SPNS1: variants seen among roughly 807,000 people sequenced by gnomAD.
SPNS1 encodes the protein SPNS lysolipid transporter 1, lysophospholipid, also known as protein spinster homolog 1.
SPNS1 carries 22 observed loss-of-function variants against 50.3 expected under a neutral mutation model. The ratio of observed to expected loss-of-function variants is 0.44; its 90% CI spans 0.31 to 0.62. The LOEUF (loss-of-function observed/expected upper bound fraction) is 0.62. SPNS1 is among the 20% of genes least tolerant of loss of function. The probability of loss-of-function intolerance (pLI) is 0.07; values close to 1 mark genes in which losing one functional copy is unlikely to be tolerated. For missense variants in SPNS1, 576 were observed against 728.6 expected (o/e 0.79, Z 2.41); for synonymous variants, 295 against 317.4 (o/e 0.93, Z 0.75).
chr16:28,978,227 G>A (rs1965410034), intron 3 of SPNS1, among the ~76,000 whole-genome samples, 183 bp downstream of exon 3: 1 of 151,598 alleles, frequency 6.6e-6, no homozygotes, highest in Non-Finnish European at 1.5e-5. Context: ...TTTTCTTCCA[G>A]AGCATTCTCT....
chr16:28,975,986 G>A (rs1965326996), intron 2 of SPNS1, among the ~76,000 whole-genome samples: 1 of 152,198 alleles, frequency 6.6e-6, no homozygotes, highest in Admixed American at 6.5e-5. Flanking sequence ...AATAATGGCA[G>A]GAGGGTTGGG....
At chr16:28,984,650 A>C, downstream of SPNS1, 1 of 621,784 alleles carries the variant, frequency 1.6e-6, no homozygotes, top group South Asian at 1.9e-5. Flanking sequence ...GCTCTGGGTG[A>C]GTCTCTGCCC....
At position 28,975,161 on chromosome 16, in the gene SPNS1, T is replaced by C; in HGVS notation, c.10T>C (p.Ser4Pro). Residue 4 changes from serine (S) to proline (P), a missense_variant, in exon 1 of 12, where the codon TCC (serine) becomes CCC (proline). Around this residue, in one of 3 missense-constraint regions of SPNS1, gnomAD observed 144 missense variants for 181.2 expected, o/e 0.79. Coordinates refer to ENST00000311008, the MANE Select transcript of SPNS1 (RefSeq NM_032038.3). ...GCGGCCCCCCGGGACCATGGCCGGG[T>C]CCGACACCGCGCCCTTCCTCAGCCA... The part of the protein sequence containing the change: MAG[S>P]DTAPFLSQAD... 1 of 1,487,458 alleles carries C rather than the reference T, an allele frequency of 6.7e-7. No individual in the cohort carries two copies. The highest frequency in any genetic ancestry group is 8.9e-7 in the Non-Finnish European group (1 of 1,120,636). 92.1% of individuals were successfully genotyped at this position (1,487,458 alleles called of 1,614,324 possible).
chr16:28,981,705 C>A lies in SPNS1; in HGVS notation c.809+90C>A. 2.6e-6 allele frequency: 4 copies of A among 1,550,462 alleles called. No individual in the cohort carries two copies. The highest frequency in any genetic ancestry group is 1.8e-6 in the Non-Finnish European group (2 of 1,141,846). On this transcript the variant is annotated intron_variant, in intron 6 of 11. Coordinates refer to ENST00000311008, the MANE Select transcript of SPNS1 (RefSeq NM_032038.3). This position sits in a 1 kb window ranked among gnomAD's most constrained non-coding sequence, Gnocchi z 4.2. The stretch of plus-strand genomic sequence containing the variant: ...GGGGATGTTCCTGTTCCTGGCCACA[C>A]CCCAAGGCCAGTAATTCGGTCGATA...
rs1435368258 is a variant in SPNS1, at chr16:28,975,308, C to T, written c.157C>T (p.Leu53=). ...DQEGLQRITG[L]SPGRSALIVA... is the part of the protein sequence containing the mutation. ...GGAGGGGCTGCAGCGCATCACCGGC[C>T]TGTCTCCCGGCCGTTCGGCTCTCAT... Residue 53 remains leucine, a synonymous_variant, in exon 1 of 12, where the codon CTG becomes TTG. Coordinates refer to ENST00000311008, the MANE Select transcript of SPNS1 (RefSeq NM_032038.3). 2.5e-6 allele frequency: 4 copies of T among 1,584,988 alleles called. No individual in the cohort carries two copies. The highest frequency in any genetic ancestry group is 4.5e-5 in the East Asian group (2 of 44,298).
intron 7 of SPNS1, 144 bp downstream of exon 7, chr16:28,982,200 A>C: frequency 7.3e-7 from 1 of 1,366,670 alleles, no homozygotes; most frequent in South Asian, 1.3e-5. Flanking sequence ...CTGGTCTGGG[A>C]AATAAGTGAT....
At position 28,979,297 on chromosome 16, in the gene SPNS1, C is replaced by T. The variant is rs755149022; in HGVS notation, c.587C>T (p.Pro196Leu). Reference sequence around the variant, plus strand: ...CTCAGCATCTTCTACTTTGCCATTCCGGTGGGCAGGTGAGTGGGCCTGGGG... The same window carrying T: ...CTCAGCATCTTCTACTTTGCCATTCTGGTGGGCAGGTGAGTGGGCCTGGGG... ...RMLSIFYFAI[P>L]VGSGLGYIAG... The change falls in exon 4 of 12, where the codon CCG (proline) becomes CTG (leucine). Residue 196 changes from proline (P) to leucine (L), a missense_variant. Pro to Leu is a moderately conservative substitution (Grantham distance 98). Coordinates refer to ENST00000311008, the MANE Select transcript of SPNS1 (RefSeq NM_032038.3). 1.9e-6 allele frequency: 3 copies of T among 1,614,170 alleles called. No individual in the cohort carries two copies. Among genetic ancestry groups the T allele is most frequent in the South Asian group, 1.1e-5 (1 of 91,078 alleles).
Position 28,983,035 on chromosome 16 carries a change from A to G in SPNS1, c.1221+113A>G. The G allele has an allele frequency of 7.6e-7, 1 of 1,323,748 alleles. No homozygotes were observed. The highest frequency in any genetic ancestry group is 1.2e-5 in the South Asian group (1 of 83,730). The allele number at this position is 1,323,748 out of a possible 1,614,324, so 82.0% of individuals were successfully genotyped here. A position where few individuals can be genotyped will look rare whatever the true frequency, so the allele number is the denominator to read the frequency against. On this transcript the variant is annotated intron_variant, in intron 9 of 11. Coordinates refer to ENST00000311008, the MANE Select transcript of SPNS1 (RefSeq NM_032038.3). This position sits in a 1 kb window ranked among gnomAD's most constrained non-coding sequence, Gnocchi z 5.4. ...CAGCCTCAACCTACCTTCTGCAATA[A>G]ATAACATCTGTAGCAGACCCCCGGC... is the stretch of plus-strand genomic sequence containing the variant.
chr16:28,975,496 C>T lies in SPNS1; in HGVS notation c.246C>T (p.Val82=), dbSNP rs1965311594. 1 of 1,614,140 alleles carries T rather than the reference C, an allele frequency of 6.2e-7. No individual in the cohort carries two copies. The highest frequency in any genetic ancestry group is 8.5e-7 in the Non-Finnish European group (1 of 1,180,062). The change falls in exon 2 of 12, where the codon GTC becomes GTT. Residue 82 remains valine, a synonymous_variant. Coordinates refer to ENST00000311008, the MANE Select transcript of SPNS1 (RefSeq NM_032038.3). The part of the protein sequence containing the change: ...NYMDRFTVAG[V]LPDIEQFFNI... The stretch of plus-strand genomic sequence containing the variant: ...CATCCTGAATTTTCTCCTCAGGCGT[C>T]CTTCCCGACATCGAGCAGTTCTTCA...
intron 3 of SPNS1, chr16:28,978,753 G>T: frequency 5.3e-6 from 1 of 187,408 alleles, no homozygotes; most frequent in Non-Finnish European, 1.1e-5. Flanking sequence ...TTCCTTGGGT[G>T]ACTGTACCCG....
At position 28,983,783 on chromosome 16, in the gene SPNS1, C is replaced by A. The variant is rs762037718; in HGVS notation, c.1321-3C>A. On this transcript the variant is annotated splice_region_variant and splice_polypyrimidine_tract_variant and intron_variant, in intron 10 of 11. Transcript: ENST00000311008. The surrounding 1 kb of genome is among the most constrained non-coding windows in gnomAD (Gnocchi z 5.4). ...CTGGCTTTCCTGTCTCCTCTCCCTG[C>A]AGATCTCTGACCGCCTGCGCCGGAA... is the stretch of plus-strand genomic sequence containing the variant. The A allele has an allele frequency of 1.9e-6, 3 of 1,581,834 alleles. No individual in the cohort carries two copies. In the South Asian group the frequency reaches 3.4e-5, roughly 18 times the overall value.
At position 28,981,631 on chromosome 16, in the gene SPNS1, C is replaced by T; in HGVS notation, c.809+16C>T. ...TGGCAAGAAAGTGAGTTTATTCCCA[C>T]CCTAGACCACCATCTGAGGCCCCCT... On this transcript the variant is annotated intron_variant, in intron 6 of 11. Coordinates refer to ENST00000311008, the MANE Select transcript of SPNS1 (RefSeq NM_032038.3). This position sits in a 1 kb window ranked among gnomAD's most constrained non-coding sequence, Gnocchi z 4.2. 1.2e-6 allele frequency: 2 copies of T among 1,611,506 alleles called. No homozygotes were observed. The highest frequency in any genetic ancestry group is 1.7e-6 in the Non-Finnish European group (2 of 1,178,102).
In SPNS1 at chr16:28,984,217, A is replaced by G. The variant is rs746890598; in HGVS notation, c.1505A>G (p.Glu502Gly). 6 of 1,588,020 alleles carry G rather than the reference A, an allele frequency of 3.8e-6. 1 individual carries two copies. The Admixed American group carries it at 1.0e-4, about 28-fold the overall frequency. The change falls in exon 12 of 12, where the codon GAA becomes GGA. Residue 502 changes from glutamate (E) to glycine (G), a missense_variant. Physicochemically the swap from Glu to Gly is moderately conservative, Grantham distance 98. Coordinates refer to ENST00000311008, the MANE Select transcript of SPNS1 (RefSeq NM_032038.3). ...AQLHVQGLLH[E>G]AGSTDDRIVV... ...CCTCCCCCCTCAGGCCTGCTGCACG[A>G]AGCAGGGTCCACAGACGACCGGATT...
At chr16:28,975,938 G>T (rs530109320) in intron 2 of SPNS1, among the ~76,000 whole-genome samples, 1 of 152,280 alleles carries the variant, frequency 6.6e-6, no homozygotes, top group Admixed American at 6.5e-5. Flanking sequence ...TCTGTGAAGG[G>T]CCTAGTGCAG....
rs150686476 is a variant in SPNS1 at position 28,982,030 on chromosome 16, C to G, written c.939C>G (p.Pro313=). The part of the protein sequence containing the change: ...VVLGETPPCL[P]GDSCSSSDSL... ...TTGGGGAGACCCCACCCTGCCTTCCCGGAGACTCCTGCTCTTCCTCTGACA... is the reference window on the plus strand; with the variant it reads ...TTGGGGAGACCCCACCCTGCCTTCCGGGAGACTCCTGCTCTTCCTCTGACA... The change falls in exon 7 of 12, where the codon CCC becomes CCG. Residue 313 remains proline, a synonymous_variant. Transcript: ENST00000311008. 2.5e-6 allele frequency: 4 copies of G among 1,614,186 alleles called. No homozygotes were observed. The highest frequency in any genetic ancestry group is 3.4e-6 in the Non-Finnish European group (4 of 1,180,022).
At chr16:28,975,895 T>C (rs750578956) in intron 2 of SPNS1, among the ~76,000 whole-genome samples, 1 of 152,194 alleles carries the variant, frequency 6.6e-6, no homozygotes, top group Non-Finnish European at 1.5e-5. Flanking sequence ...GAATCATCTC[T>C]TAGGACTGAT....
In SPNS1 at chr16:28,984,220, C is replaced by A; in HGVS notation, c.1508C>A (p.Ala503Glu). 6.3e-7 allele frequency: 1 copy of A among 1,589,484 alleles called. No homozygotes were observed. The highest frequency in any genetic ancestry group is 1.1e-5 in the South Asian group (1 of 87,796). The change falls in exon 12 of 12, where the codon GCA (alanine) becomes GAA (glutamate). Residue 503 changes from alanine to glutamate, a missense_variant. By Grantham distance (107) the Ala-to-Glu change is moderately radical. Around this residue, in one of 3 missense-constraint regions of SPNS1, gnomAD observed 428 missense variants for 520.1 expected, o/e 0.82. Transcript: ENST00000311008. The part of the protein sequence containing the change: ...QLHVQGLLHE[A>E]GSTDDRIVVP... The stretch of plus-strand genomic sequence containing the variant: ...CCCCCCTCAGGCCTGCTGCACGAAG[C>A]AGGGTCCACAGACGACCGGATTGTG...
Position 28,983,105 on chromosome 16 carries a change from A to C in SPNS1, c.1222-87A>C. 1 of 1,280,064 alleles carries C rather than the reference A, an allele frequency of 7.8e-7. No homozygotes were observed. The highest frequency in any genetic ancestry group is 1.1e-6 in the Non-Finnish European group (1 of 888,908). 79.3% of individuals were successfully genotyped at this position (1,280,064 alleles called of 1,614,324 possible). On this transcript the variant is annotated intron_variant, in intron 9 of 11. Transcript: ENST00000311008. The surrounding 1 kb of genome is among the most constrained non-coding windows in gnomAD (Gnocchi z 5.4). ...CCAGGCACACCTCTGACCCCGGCCT[A>C]GGCGGATCCTTGGTGGTCTCCTGGC...
At chr16:28,979,858 A>C (rs1428201249) in intron 5 of SPNS1, 1 of 218,136 alleles carries the variant, frequency 4.6e-6, no homozygotes, top group African/African-American at 2.3e-5. Flanking sequence ...CCCTGTCTCT[A>C]CTAAAAATAC....
Sources: allele counts gnomAD v4.1 joint callset (sites outside exome capture counted in the v4.1 genomes callset), GRCh38; gene constraint gnomAD v4.1.1; regional missense constraint gnomAD v4.1.1; non-coding constraint Gnocchi (gnomAD v3.1); transcripts MANE v1.5; gene names NCBI Gene and HGNC (gene_info 2026-07-23, HGNC 2026-07-21).